Variants in ADARB1 observed in about 807,000 individuals in gnomAD.
The protein encoded by ADARB1 is double-stranded RNA-specific editase 1.
In ADARB1, 10 loss-of-function variants were observed where a neutral mutation model predicts 52.4. The ratio of observed to expected loss-of-function variants is 0.19; its 90% CI spans 0.12 to 0.32. The LOEUF (loss-of-function observed/expected upper bound fraction) is 0.32, where lower values mean the gene tolerates loss of function less well. Among genes scored for constraint, ADARB1 ranks in the 10% least tolerant of loss-of-function variants. ADARB1 has a pLI of 1.00. For missense variants in ADARB1, 643 were observed against 922.3 expected (o/e 0.70, Z 3.92); for synonymous variants, 349 against 371.1 (o/e 0.94, Z 0.68).
chr21:45,195,187 G>A (rs2092397781), intron 8 of ADARB1, among the ~76,000 whole-genome samples: 1 of 152,030 alleles, frequency 6.6e-6, no homozygotes, highest in South Asian at 2.1e-4. Context: ...GTGTTTATTT[G>A]CCATCTGTAT....
intron 2 of ADARB1, among the ~76,000 whole-genome samples, chr21:45,139,622 C>T (rs941774966): frequency 8.5e-5 from 13 of 152,182 alleles, no homozygotes; most frequent in African/African-American, 2.7e-4. Context: ...AGGTGCCTGT[C>T]GGGCGCAGCG....
chr21:45,179,217 T>C (rs2091829760), intron 4 of ADARB1, among the ~76,000 whole-genome samples: 1 of 152,178 alleles, frequency 6.6e-6, no homozygotes, highest in Admixed American at 6.5e-5. Context: ...TGCGGGTGCA[T>C]GGATCCCTGC....
In ADARB1 at chr21:45,175,777, T is replaced by C. The variant is rs201653105; in HGVS notation, c.76T>C (p.Ser26Pro). The C allele has an allele frequency of 6.2e-7, 1 of 1,614,100 alleles. No homozygotes were observed. The highest frequency in any genetic ancestry group is 8.5e-7 in the Non-Finnish European group (1 of 1,180,002). The change falls in exon 4 of 11, where the codon TCC (serine) becomes CCC (proline). Residue 26 changes from serine to proline, a missense_variant. Around this residue, in one of 2 missense-constraint regions of ADARB1, gnomAD observed 380 missense variants for 446.5 expected, o/e 0.85. Coordinates refer to ENST00000348831, the MANE Select transcript of ADARB1 (RefSeq NM_001112.4). Reference protein sequence around the residue: ...VKENRNLDNVSPKDGSTPGPG... With the variant: ...VKENRNLDNVPPKDGSTPGPG... ...GGAAAACCGCAATCTGGACAACGTGTCCCCCAAGGATGGCAGCACACCTGG... is the reference window on the plus strand; with the variant it reads ...GGAAAACCGCAATCTGGACAACGTGCCCCCCAAGGATGGCAGCACACCTGG...
rs948577494 is a variant in ADARB1, at chr21:45,128,576, G to A, written c.-48+3G>A. 1.3e-5 allele frequency: 2 copies of A among 152,238 alleles called. No homozygotes were observed. The highest frequency in any genetic ancestry group is 4.8e-5 in the African/African-American group (2 of 41,452). 9.4% of individuals were successfully genotyped at this position (152,238 alleles called of 1,614,324 possible). A position where few individuals can be genotyped will look rare whatever the true frequency, so the allele number is the denominator to read the frequency against. ...CATAAAGCTAGAAAAATTTCAAGGT[G>A]AGTAAAAACCTGTAAAGATCTGATC... is the stretch of plus-strand genomic sequence containing the variant. On this transcript the variant is annotated splice_donor_region_variant and intron_variant, in intron 2 of 10. Coordinates refer to ENST00000348831, the MANE Select transcript of ADARB1 (RefSeq NM_001112.4). The surrounding 1 kb of genome is among the most constrained non-coding windows in gnomAD (Gnocchi z 4.6).
rs1004524793 is a variant in ADARB1 at position 45,204,220 on chromosome 21, T to C, written c.1566-335T>C. Among the ~76,000 whole-genome samples the C allele has an allele frequency of 3.3e-5, 5 of 152,234 alleles. No homozygotes were observed. Among genetic ancestry groups the C allele is most frequent in the Non-Finnish European group, 5.9e-5 (4 of 68,044 alleles). ...AGTGAGTAACTGAAACCTCTGAAAG[T>C]GAAACCTCAGATAAGGGGACCTGCT... On this transcript the variant is annotated intron_variant, in intron 8 of 10. Transcript: ENST00000348831. The surrounding 1 kb of genome is among the most constrained non-coding windows in gnomAD (Gnocchi z 4.4).
Position 45,221,953 on chromosome 21 carries a change from T to A in ADARB1, c.1927-65T>A. 3 of 1,534,024 alleles carry A rather than the reference T, an allele frequency of 2.0e-6. No individual in the cohort carries two copies. Among genetic ancestry groups the A allele is most frequent in the South Asian group, 1.2e-5 (1 of 84,770 alleles). ...TTCTGAAGGCCATGTTTTGGTATCT[T>A]ATTAGGTGTTGTTTTCATCTGTTAC... is the stretch of plus-strand genomic sequence containing the variant. On this transcript the variant is annotated intron_variant, in intron 10 of 10. Coordinates refer to ENST00000348831, the MANE Select transcript of ADARB1 (RefSeq NM_001112.4). The surrounding 1 kb of genome is among the most constrained non-coding windows in gnomAD (Gnocchi z 4.9).
intron 8 of ADARB1, among the ~76,000 whole-genome samples, chr21:45,203,094 T>C (rs766757462): frequency 2.0e-5 from 3 of 152,188 alleles, no homozygotes; most frequent in Non-Finnish European, 4.4e-5. Context: ...GCCCCTCCCC[T>C]GAGACACTCC....
intron 3 of ADARB1, 86 bp from the exon 4 acceptor site, chr21:45,175,644 A>G: frequency 2.2e-6 from 3 of 1,351,518 alleles, no homozygotes; most frequent in Non-Finnish European, 3.1e-6. Context: ...AACCAGTTAC[A>G]AAGAGAGCTA....
Position 45,224,071 on chromosome 21 carries a change from C to G in ADARB1, c.*1874C>G. The G allele has an allele frequency of 1.0e-6, 1 of 985,418 alleles. No individual in the cohort carries two copies. Among genetic ancestry groups the G allele is most frequent in the East Asian group, 1.1e-4 (1 of 8,802 alleles). The allele number at this position is 985,418 out of a possible 1,614,324, so 61.0% of individuals were successfully genotyped here. A position where few individuals can be genotyped will look rare whatever the true frequency, so the allele number is the denominator to read the frequency against. ...AGAGGGGTCTGTTGTCGCTGGCTTT[C>G]CCCCAAGCAGGCTCTTGCACACTCT... On this transcript the variant is annotated 3_prime_UTR_variant, in exon 11 of 11. Coordinates refer to ENST00000348831, the MANE Select transcript of ADARB1 (RefSeq NM_001112.4).
At chr21:45,139,706 T>C (rs1295398418) in intron 2 of ADARB1, among the ~76,000 whole-genome samples, 1 of 152,226 alleles carries the variant, frequency 6.6e-6, no homozygotes, top group African/African-American at 2.4e-5. Flanking sequence ...CTCTCCGTGT[T>C]CTCTTGTTGA....
At chr21:45,116,881 A>G (rs2087856460) in intron 1 of ADARB1, 1 of 152,164 alleles carries the variant, frequency 6.6e-6, no homozygotes, top group Admixed American at 6.5e-5. Flanking sequence ...GGACATGGCC[A>G]AACAATATCT....
At chr21:45,179,618 G>A (rs977621014) in intron 4 of ADARB1, among the ~76,000 whole-genome samples, 1 of 152,156 alleles carries the variant, frequency 6.6e-6, no homozygotes, top group Non-Finnish European at 1.5e-5. Context: ...GCATATACCT[G>A]TGCAGGTGTT....
intron 8 of ADARB1, among the ~76,000 whole-genome samples, chr21:45,195,281 G>GT (rs1005712803): frequency 1.3e-5 from 2 of 152,094 alleles, no homozygotes; most frequent in African/African-American, 4.8e-5. Flanking sequence ...AGTTTAGAGA[G>GT]TTTTTTGTAT....
intron 1 of ADARB1, among the ~76,000 whole-genome samples, chr21:45,075,242 A>G (rs76145415): frequency 0.098 from 14,295 of 145,584 alleles, 1,004 homozygotes; most frequent in African/African-American, 0.18. Flanking sequence ...TGCGCCGGGG[A>G]ACGGGAGGCT....
intron 8 of ADARB1, among the ~76,000 whole-genome samples, chr21:45,198,089 A>G (rs2092465736): frequency 6.6e-6 from 1 of 152,214 alleles, no homozygotes; most frequent in South Asian, 2.1e-4. Flanking sequence ...AGTAAATGAC[A>G]GAAAGCACCA....
intron 9 of ADARB1, among the ~76,000 whole-genome samples, chr21:45,214,467 C>G (rs2092825726): frequency 6.6e-6 from 1 of 152,164 alleles, no homozygotes; most frequent in African/African-American, 2.4e-5. Flanking sequence ...TAAGTCAGTA[C>G]TACAAAGATT....
intron 2 of ADARB1, among the ~76,000 whole-genome samples, chr21:45,164,258 G>A (rs1393035585): frequency 6.6e-6 from 1 of 152,126 alleles, no homozygotes. Context: ...CTGGACAGGG[G>A]AGGACAGCTG....
rs1372793554 is a variant in ADARB1, at chr21:45,208,025, C to T, written c.1747+3289C>T. ...ACTTTTGCCTTTGTGGGTATACACACTTGGTACCCTTGCTTAGCACTGTGG... is the reference window on the plus strand; with the variant it reads ...ACTTTTGCCTTTGTGGGTATACACATTTGGTACCCTTGCTTAGCACTGTGG... On this transcript the variant is annotated intron_variant, in intron 9 of 10. Transcript: ENST00000348831. This position sits in a 1 kb window ranked among gnomAD's most constrained non-coding sequence, Gnocchi z 5.6. 1.3e-5 allele frequency among the ~76,000 whole-genome samples: 2 copies of T among 152,216 alleles called. No individual in the cohort carries two copies. Among genetic ancestry groups the T allele is most frequent in the East Asian group, 3.9e-4 (2 of 5,194 alleles).
In ADARB1 at chr21:45,074,802, G is replaced by C. The variant is rs1184473100; in HGVS notation, c.-220+9G>C. 3 of 147,194 alleles carry C rather than the reference G, an allele frequency of 2.0e-5. No homozygotes were observed. Among genetic ancestry groups the C allele is most frequent in the East Asian group, 4.0e-4 (2 of 5,018 alleles). 9.1% of individuals were successfully genotyped at this position (147,194 alleles called of 1,614,324 possible). A position where few individuals can be genotyped will look rare whatever the true frequency, so the allele number is the denominator to read the frequency against. On this transcript the variant is annotated intron_variant, in intron 1 of 10. Coordinates refer to ENST00000348831, the MANE Select transcript of ADARB1 (RefSeq NM_001112.4). ...GCGCGGCTGCGGCTGAGGTGAGGGC[G>C]GCGCGGGGCCGCGGCGGCTCGGGCG...
Sources: allele counts gnomAD v4.1 joint callset (sites outside exome capture counted in the v4.1 genomes callset), GRCh38; gene constraint gnomAD v4.1.1; regional missense constraint gnomAD v4.1.1; non-coding constraint Gnocchi (gnomAD v3.1); transcripts MANE v1.5; gene names NCBI Gene and HGNC (gene_info 2026-07-23, HGNC 2026-07-21).